Variants in FA2H observed in about 807,000 individuals in gnomAD.
The protein encoded by FA2H is fatty acid 2-hydroxylase.
FA2H carries 22 observed loss-of-function variants against 44.9 expected under a neutral mutation model. The ratio of observed to expected loss-of-function variants is 0.49; its 90% confidence interval spans 0.35 to 0.70. FA2H has a LOEUF of 0.70. Ranked by LOEUF, FA2H falls within the 30% of genes least tolerant of loss-of-function variation. The pLI is 0.01. For synonymous variants in FA2H, 243 were observed against 213.2 expected, an observed-to-expected ratio of 1.14 and a Z score of -1.22; for missense variants, 501 against 504.9, an observed-to-expected ratio of 0.99 and a Z score of 0.07.
At chr16:74,736,354 C>T (rs1260015729) in intron 2 of FA2H, among the ~76,000 whole-genome samples, 2 of 152,200 alleles carry the variant, frequency 1.3e-5, no homozygotes, top group African/African-American at 2.4e-5. Flanking sequence ...GGCGACTAGG[C>T]AGGCAGGGTG....
intron 1 of FA2H, among the ~76,000 whole-genome samples, chr16:74,749,491 C>G (rs1597563345): frequency 6.6e-6 from 1 of 152,192 alleles, no homozygotes; most frequent in Non-Finnish European, 1.5e-5. Context: ...GTGACCAACT[C>G]TCCAGCTCAG....
intron 1 of FA2H, among the ~76,000 whole-genome samples, chr16:74,750,790 T>TGTGTGTGTGTGTGTG (rs1555540831): frequency 1.4e-4 from 21 of 151,346 alleles, no homozygotes; most frequent in South Asian, 6.3e-4. Context: ...TGTGTGTGTG[T>TGTGTGTGTGTGTGTG]TTAAGAGACA....
At chr16:74,726,483 G>C (rs1961960151) in intron 3 of FA2H, 152 bp from the exon 4 acceptor site, 1 of 588,006 alleles carries the variant, frequency 1.7e-6, no homozygotes, top group Non-Finnish European at 3.1e-6. Context: ...CTGCCTCTGG[G>C]GTTCAAGTGA....
intron 1 of FA2H, among the ~76,000 whole-genome samples, chr16:74,772,988 A>C (rs1962935760): frequency 6.6e-6 from 1 of 151,546 alleles, no homozygotes; most frequent in Non-Finnish European, 1.5e-5. Context: ...TGATCCTCCC[A>C]CCTTAGCCTC....
chr16:74,774,429 G>C, intron 1 of FA2H, 57 bp downstream of exon 1: 1 of 1,451,464 alleles, frequency 6.9e-7, no homozygotes, highest in Non-Finnish European at 9.0e-7. Flanking sequence ...GGCTCGCCCG[G>C]GAGTGGAAGG....
At chr16:74,716,991 A>G in intron 5 of FA2H, 1 of 220,042 alleles carries the variant, frequency 4.5e-6, no homozygotes, top group East Asian at 1.0e-4. Context: ...GGCATTCTGG[A>G]GACAGGGCAC....
intron 1 of FA2H, among the ~76,000 whole-genome samples, chr16:74,748,208 C>T (rs1962461661): frequency 6.6e-6 from 1 of 152,252 alleles, no homozygotes; most frequent in Non-Finnish European, 1.5e-5. Flanking sequence ...GGTCACTTCG[C>T]AGTTTTCGCT....
intron 1 of FA2H, among the ~76,000 whole-genome samples, chr16:74,744,563 C>T (rs527589141): frequency 1.3e-5 from 2 of 151,312 alleles, no homozygotes; most frequent in Non-Finnish European, 2.9e-5. Flanking sequence ...GCAATCCTCA[C>T]ACCTCAGCCT....
intron 1 of FA2H, among the ~76,000 whole-genome samples, chr16:74,769,763 G>A (rs941456190): frequency 6.6e-6 from 1 of 152,212 alleles, no homozygotes; most frequent in Non-Finnish European, 1.5e-5. Flanking sequence ...ACATGTGGCT[G>A]CAGCTGGCAG....
At chr16:74,762,434 G>A (rs532358777) in intron 1 of FA2H, among the ~76,000 whole-genome samples, 4 of 152,294 alleles carry the variant, frequency 2.6e-5, no homozygotes, top group East Asian at 1.9e-4. Context: ...GCAACACTGC[G>A]AACTTTAAGT....
At chr16:74,732,992 G>T (rs1962103554) in intron 2 of FA2H, among the ~76,000 whole-genome samples, 1 of 152,224 alleles carries the variant, frequency 6.6e-6, no homozygotes, top group Non-Finnish European at 1.5e-5. Context: ...TCCCTGGGTA[G>T]ACCCGCAAGC....
chr16:74,714,066 G>T lies in FA2H; in HGVS notation c.*124C>A. The T allele has an allele frequency of 1.5e-6, 1 of 672,610 alleles. No individual in the cohort carries two copies. Among genetic ancestry groups the T allele is most frequent in the Non-Finnish European group, 2.7e-6 (1 of 375,482 alleles). 41.7% of individuals were successfully genotyped at this position (672,610 alleles called of 1,614,324 possible). Reference sequence around the variant, plus strand: ...CCCCCTCAGCACCTTCCACTAGGCTGCAGGGCCGGACACAGCCCATCCTGC... The same window carrying T: ...CCCCCTCAGCACCTTCCACTAGGCTTCAGGGCCGGACACAGCCCATCCTGC... On this transcript the variant is annotated 3_prime_UTR_variant, in exon 7 of 7. Coordinates refer to ENST00000219368, the MANE Select transcript of FA2H (RefSeq NM_024306.5).
At chr16:74,768,718 A>C (rs1009669204) in intron 1 of FA2H, among the ~76,000 whole-genome samples, 1 of 151,952 alleles carries the variant, frequency 6.6e-6, no homozygotes, top group African/African-American at 2.4e-5. Context: ...TCTCCTCCTT[A>C]TTGTCCCTCC....
At chr16:74,738,587 A>G (rs909682240) in intron 2 of FA2H, among the ~76,000 whole-genome samples, 4 of 152,208 alleles carry the variant, frequency 2.6e-5, no homozygotes, top group Non-Finnish European at 5.9e-5. Context: ...AGCTCTTTTC[A>G]GAATTCAAGC....
At chr16:74,718,433 G>A (rs1211864051) in intron 5 of FA2H, among the ~76,000 whole-genome samples, 3 of 152,252 alleles carry the variant, frequency 2.0e-5, no homozygotes, top group South Asian at 2.1e-4. Flanking sequence ...TGGGACTGTC[G>A]TGGAGTCCTT....
intron 1 of FA2H, among the ~76,000 whole-genome samples, chr16:74,770,339 C>T (rs1214531090): frequency 1.3e-5 from 2 of 152,210 alleles, no homozygotes; most frequent in East Asian, 3.9e-4. Context: ...TATCCCACCC[C>T]CAGATTTCTC....
chr16:74,744,072 C>A (rs1369054839), intron 1 of FA2H, among the ~76,000 whole-genome samples: 1 of 152,172 alleles, frequency 6.6e-6, no homozygotes, highest in East Asian at 1.9e-4. Flanking sequence ...CACGCCAGGA[C>A]TCCAGGAACT....
At chr16:74,733,233 C>T (rs534453869) in intron 2 of FA2H, among the ~76,000 whole-genome samples, 6 of 152,294 alleles carry the variant, frequency 3.9e-5, no homozygotes, top group East Asian at 3.9e-4. Context: ...TGTGAACACC[C>T]GCCTCAGTCA....
chr16:74,749,901 G>C (rs1290958729), intron 1 of FA2H, among the ~76,000 whole-genome samples: 1 of 152,142 alleles, frequency 6.6e-6, no homozygotes, highest in Non-Finnish European at 1.5e-5. Flanking sequence ...TGGGGATCTG[G>C]AGAGGCCCCC....
Sources: gnomAD v4.1 joint callset for allele counts (sites outside exome capture counted in the v4.1 genomes callset) on GRCh38, gnomAD v4.1.1 for gene constraint, MANE v1.5 for transcripts, NCBI Gene and HGNC (gene_info 2026-07-23, HGNC 2026-07-21) for gene names.